The following SMAP1 variants were observed in gnomAD, a reference collection of about 807,000 sequenced individuals.
The protein encoded by SMAP1 is stromal membrane-associated protein 1.
Under a neutral mutation model 58.5 loss-of-function variants are expected in SMAP1, and 24 were observed. The observed-to-expected ratio is 0.41, with a 90% CI of 0.30 to 0.58. The LOEUF (loss-of-function observed/expected upper bound fraction) is 0.58. Ranked by LOEUF, SMAP1 falls within the 20% of genes least tolerant of loss-of-function variation. The pLI, the probability that SMAP1 is intolerant of heterozygous loss-of-function variation, is 0.29. For missense variants in SMAP1, 563 were observed against 566.3 expected, an observed-to-expected ratio of 0.99 and a Z score of 0.06; for synonymous variants, 216 against 196.6, an observed-to-expected ratio of 1.10 and a Z score of -0.82.
chr6:70,725,896 A>T (rs1018501061), intron 1 of SMAP1, among the ~76,000 whole-genome samples: 4 of 152,222 alleles, frequency 2.6e-5, no homozygotes, highest in African/African-American at 9.6e-5. Context: ...TGCATCTCTA[A>T]ACCTATATCA....
chr6:70,852,857 C>G (rs143349392), intron 8 of SMAP1, among the ~76,000 whole-genome samples, 193 bp downstream of exon 8: 5 of 152,314 alleles, frequency 3.3e-5, no homozygotes, highest in Admixed American at 1.3e-4. Context: ...CACAGCCACT[C>G]CCACTGGTTT....
At chr6:70,770,263 T>A (rs1016175633) in intron 3 of SMAP1, among the ~76,000 whole-genome samples, 1 of 151,976 alleles carries the variant, frequency 6.6e-6, no homozygotes, top group Non-Finnish European at 1.5e-5. Flanking sequence ...CTTTGTGGCA[T>A]TCTCTGTATT....
chr6:70,819,781 A>G (rs1769805963), intron 6 of SMAP1, among the ~76,000 whole-genome samples: 1 of 152,226 alleles, frequency 6.6e-6, no homozygotes, highest in African/African-American at 2.4e-5. Flanking sequence ...GCCCACATAT[A>G]TTGTTACTTA....
intron 6 of SMAP1, among the ~76,000 whole-genome samples, chr6:70,826,903 C>G (rs7774713): frequency 0.03 from 4,298 of 145,544 alleles, 243 homozygotes; most frequent in African/African-American, 0.1. Flanking sequence ...CCACTGCACT[C>G]CTGCCTGGGC....
In SMAP1 at chr6:70,729,201, A is replaced by G. The variant is rs538097446; in HGVS notation, c.119-3177A>G. On this transcript the variant is annotated intron_variant, in intron 1 of 10. Transcript: ENST00000370455. Reference sequence around the variant, plus strand: ...ATGCCTGTAATCCCAGCACTTTGGGAGGCCGAGGCGGGCGGATCACGAGGT... The same window carrying G: ...ATGCCTGTAATCCCAGCACTTTGGGGGGCCGAGGCGGGCGGATCACGAGGT... Among the ~76,000 whole-genome samples, 564 of 152,166 alleles carry G rather than the reference A, an allele frequency of 3.7e-3. 3 individuals carry two copies. Among genetic ancestry groups the G allele is most frequent in the Middle Eastern group, 6.8e-3 (2 of 294 alleles).
At chr6:70,836,313 T>C (rs1770581872) in intron 6 of SMAP1, among the ~76,000 whole-genome samples, 1 of 152,160 alleles carries the variant, frequency 6.6e-6, no homozygotes, top group Non-Finnish European at 1.5e-5. Context: ...ACAGCCTGTG[T>C]AGGGAAACTA....
At chr6:70,836,487 G>T (rs1770591776) in intron 6 of SMAP1, among the ~76,000 whole-genome samples, 1 of 152,184 alleles carries the variant, frequency 6.6e-6, no homozygotes, top group Admixed American at 6.5e-5. Context: ...TACATTAGTA[G>T]TAGCTAGGAA....
intron 3 of SMAP1, among the ~76,000 whole-genome samples, chr6:70,765,645 C>T (rs1337544651): frequency 1.3e-5 from 2 of 152,102 alleles, no homozygotes; most frequent in Non-Finnish European, 2.9e-5. Context: ...GACTTTCTTA[C>T]CACATCATTT....
At chr6:70,791,805 G>C (rs752288565) in intron 5 of SMAP1, 36 bp downstream of exon 5, 7 of 1,554,412 alleles carry the variant, frequency 4.5e-6, no homozygotes, top group Non-Finnish European at 5.3e-6. Context: ...ATTATGTAGT[G>C]TTAAATGGTA....
chr6:70,803,932 A>C (rs1768989471), intron 6 of SMAP1, among the ~76,000 whole-genome samples: 1 of 151,730 alleles, frequency 6.6e-6, no homozygotes, highest in East Asian at 1.9e-4. Flanking sequence ...TTTTAGAATA[A>C]GTGTGATGTG....
intron 6 of SMAP1, among the ~76,000 whole-genome samples, chr6:70,807,446 T>G (rs966599670): frequency 6.6e-6 from 1 of 152,236 alleles, no homozygotes; most frequent in Non-Finnish European, 1.5e-5. Flanking sequence ...TCGTTTTTTC[T>G]AAAATACTCT....
At chr6:70,820,148 G>A (rs2149980492) in intron 6 of SMAP1, among the ~76,000 whole-genome samples, 1 of 152,174 alleles carries the variant, frequency 6.6e-6, no homozygotes, top group East Asian at 1.9e-4. Flanking sequence ...ATGACAGAAT[G>A]TTATAAGCAA....
At chr6:70,802,554 T>C (rs1768910030) in intron 6 of SMAP1, among the ~76,000 whole-genome samples, 1 of 152,016 alleles carries the variant, frequency 6.6e-6, no homozygotes, top group East Asian at 1.9e-4. Context: ...TGAATAGGAG[T>C]GGTGAGAGAG....
At chr6:70,823,322 C>T (rs1279826711) in intron 6 of SMAP1, among the ~76,000 whole-genome samples, 2 of 152,060 alleles carry the variant, frequency 1.3e-5, no homozygotes, top group Non-Finnish European at 2.9e-5. Context: ...TGAGCCTGTG[C>T]CCCTATGTTA....
intron 6 of SMAP1, among the ~76,000 whole-genome samples, chr6:70,827,098 G>A (rs1770164490): frequency 6.6e-6 from 1 of 152,058 alleles, no homozygotes; most frequent in Non-Finnish European, 1.5e-5. Context: ...ATTATGAACC[G>A]GATAGACAGC....
chr6:70,835,661 C>T (rs963278380), intron 6 of SMAP1, among the ~76,000 whole-genome samples: 1 of 152,080 alleles, frequency 6.6e-6, no homozygotes, highest in Non-Finnish European at 1.5e-5. Flanking sequence ...TGTGCACCAC[C>T]ACACCCAGCT....
intron 7 of SMAP1, among the ~76,000 whole-genome samples, chr6:70,841,953 A>G (rs879564701): frequency 1.9e-4 from 29 of 152,236 alleles, no homozygotes; most frequent in Non-Finnish European, 3.8e-4. Flanking sequence ...TCCATGTGCT[A>G]TATAAAGCAA....
At chr6:70,671,072 A>G (rs1262710333) in intron 1 of SMAP1, among the ~76,000 whole-genome samples, 1 of 152,202 alleles carries the variant, frequency 6.6e-6, no homozygotes, top group Non-Finnish European at 1.5e-5. Flanking sequence ...CTTGTTGGTT[A>G]TTAGTTGGTG....
chr6:70,746,701 G>A (rs1766057977), intron 2 of SMAP1, among the ~76,000 whole-genome samples: 1 of 152,108 alleles, frequency 6.6e-6, no homozygotes, highest in African/African-American at 2.4e-5. Flanking sequence ...TGAGTTAGGG[G>A]CGATTCCTTC....
Sources: gnomAD v4.1 joint callset for allele counts (sites outside exome capture counted in the v4.1 genomes callset) on GRCh38, gnomAD v4.1.1 for gene constraint, MANE v1.5 for transcripts, NCBI Gene and HGNC (gene_info 2026-07-23, HGNC 2026-07-21) for gene names.